Variants in KRT33A observed in about 807,000 individuals in gnomAD.
KRT33A encodes the protein keratin, type I cuticular Ha3-I.
KRT33A carries 44 observed loss-of-function variants against 41.1 expected under a neutral mutation model. That is an observed-to-expected ratio of 1.07 (90% CI 0.84 to 1.38). KRT33A has a LOEUF of 1.38. KRT33A is among the 40% of genes most tolerant of loss of function. The probability of loss-of-function intolerance (pLI) is 0.00; values close to 1 mark genes in which losing one functional copy is unlikely to be tolerated. For synonymous variants in KRT33A, 229 were observed against 227.8 expected (o/e 1.01, Z -0.05); for missense variants, 536 against 518.5 (o/e 1.03, Z -0.33).
intron 3 of KRT33A, among the ~76,000 whole-genome samples, chr17:41,347,590 A>G (rs1158937579): frequency 6.6e-6 from 1 of 152,254 alleles, no homozygotes; most frequent in Non-Finnish European, 1.5e-5. Flanking sequence ...TTAAGCATGG[A>G]TAATAAAAAG....
At chr17:41,349,522 A>T (rs568828852) in intron 1 of KRT33A, 94 bp from the exon 2 acceptor site, 84 of 1,262,640 alleles carry the variant, frequency 6.7e-5, no homozygotes, top group Non-Finnish European at 9.1e-5. Flanking sequence ...AAGGATCAGG[A>T]TGTCTATCTT....
chr17:41,346,727 G>T, intron 5 of KRT33A, 59 bp from the exon 6 acceptor site: 1 of 1,610,258 alleles, frequency 6.2e-7, no homozygotes, highest in Non-Finnish European at 8.5e-7. Flanking sequence ...TCCTCCATGG[G>T]GTTCCAAAGA....
intron 2 of KRT33A, 95 bp downstream of exon 2, chr17:41,349,251 T>A: frequency 8.4e-7 from 1 of 1,191,444 alleles, no homozygotes; most frequent in South Asian, 1.3e-5. Flanking sequence ...CATAGCTCAG[T>A]CACTGTTTGT....
At chr17:41,348,785 G>A in intron 2 of KRT33A, 146 bp from the exon 3 acceptor site, 1 of 808,322 alleles carries the variant, frequency 1.2e-6, no homozygotes. Flanking sequence ...GCATCGAGCT[G>A]GAAGAAAATG....
At position 41,348,631 on chromosome 17, in the gene KRT33A, G is replaced by A. The variant is rs2017459461; in HGVS notation, c.440C>T (p.Thr147Ile). 2.5e-6 allele frequency: 4 copies of A among 1,614,010 alleles called. No homozygotes were observed. The highest frequency in any genetic ancestry group is 2.2e-5 in the East Asian group (1 of 44,888). ...CACCAGCTGCCGCAGGGACAGCTCG[G>A]TCTCATATCTGTGATCACAGGAGGG... ...ASDDFRTKYE[T>I]ELSLRQLVES... Residue 147 changes from threonine (T) to isoleucine (I), a missense_variant, in exon 3 of 7, where the codon ACC becomes ATC. Thr to Ile is a moderately conservative substitution (Grantham distance 89). Transcript: ENST00000007735.
chr17:41,349,025 T>C (rs193113766), intron 2 of KRT33A, among the ~76,000 whole-genome samples: 3 of 152,232 alleles, frequency 2.0e-5, no homozygotes, highest in African/African-American at 7.2e-5. Flanking sequence ...CTGTAAGACT[T>C]CCAAAATAAT....
In KRT33A at chr17:41,346,622, C is replaced by A. The variant is rs371555388; in HGVS notation, c.923G>T (p.Ser308Ile). Residue 308 changes from serine to isoleucine, a missense_variant, in exon 6 of 7, where the codon AGC becomes ATC. By Grantham distance (142) the Ser-to-Ile change is moderately radical (BLOSUM62 -2). Coordinates refer to ENST00000007735, the MANE Select transcript of KRT33A (RefSeq NM_004138.4). ...NTLTESEARY[S>I]SQLSQVQRLI... ...TCTCTGCACCTGGGACAGCTGGGAG[C>A]TGTAGCGGGCCTCGCTCTCTGTCAG... The A allele has an allele frequency of 3.1e-6, 5 of 1,614,144 alleles. No individual in the cohort carries two copies. In the African/African-American group the frequency reaches 6.7e-5, roughly 22 times the overall value.
At position 41,346,818 on chromosome 17, in the gene KRT33A, C is replaced by T. The variant is rs762160903; in HGVS notation, c.876+26G>A. ...CTCTGCCTCCCAAGTTCCCATCGCT[C>T]ACCAGCAGGTCTGAACAATACACAC... On this transcript the variant is annotated intron_variant, in intron 5 of 6. Transcript: ENST00000007735. 24 of 1,611,258 alleles carry T rather than the reference C, an allele frequency of 1.5e-5. No homozygotes were observed. In the South Asian group the frequency reaches 2.2e-4, roughly 15 times the overall value.
chr17:41,350,468 A>G lies in KRT33A; in HGVS notation c.300T>C (p.Cys100=), dbSNP rs749131788. The change falls in exon 1 of 7, where the codon TGT becomes TGC. Residue 100 remains cysteine, a synonymous_variant. Coordinates refer to ENST00000007735, the MANE Select transcript of KRT33A (RefSeq NM_004138.4). ...TCTTGAAGTAGGACTGGTAGCTGGCACACACCAAGGGCTCCTGCTGCTGTG... is the reference window on the plus strand; with the variant it reads ...TCTTGAAGTAGGACTGGTAGCTGGCGCACACCAAGGGCTCCTGCTGCTGTG... ...ERSQQQEPLV[C]ASYQSYFKTI... is the part of the protein sequence containing the mutation. 6 of 1,614,010 alleles carry G rather than the reference A, an allele frequency of 3.7e-6. No homozygotes were observed. The highest frequency in any genetic ancestry group is 2.2e-5 in the East Asian group (1 of 44,864).
In KRT33A at chr17:41,347,139, G is replaced by A; in HGVS notation, c.672C>T (p.Val224=). Residue 224 remains valine, a synonymous_variant, in exon 4 of 7, where the codon GTC becomes GTT. Transcript: ENST00000007735. ...CATACTGACTCCTGGTCTCATTCAGGACCTGGTTCAGGTCCACAGTGGGAG... is the reference window on the plus strand; with the variant it reads ...CATACTGACTCCTGGTCTCATTCAGAACCTGGTTCAGGTCCACAGTGGGAG... The part of the protein sequence containing the change: ...DAAPTVDLNQ[V]LNETRSQYEA... 3 of 1,614,202 alleles carry A rather than the reference G, an allele frequency of 1.9e-6. No individual in the cohort carries two copies. In the Middle Eastern group the frequency reaches 4.9e-4, roughly 266 times the overall value.
intron 1 of KRT33A, 120 bp downstream of exon 1, chr17:41,350,300 A>G: frequency 1.6e-6 from 2 of 1,253,074 alleles, no homozygotes; most frequent in Non-Finnish European, 2.2e-6. Context: ...CAAAAAACAA[A>G]ATGGAAAGGC....
At chr17:41,349,210 G>A (rs2017468657) in intron 2 of KRT33A, 136 bp downstream of exon 2, 14 of 787,230 alleles carry the variant, frequency 1.8e-5, no homozygotes, top group Middle Eastern at 2.7e-4. Flanking sequence ...GTGTGTGGTG[G>A]CTCTGTGAAT....
intron 2 of KRT33A, among the ~76,000 whole-genome samples, 199 bp from the exon 3 acceptor site, chr17:41,348,838 A>G (rs981214206): frequency 3.3e-5 from 5 of 152,192 alleles, no homozygotes; most frequent in Non-Finnish European, 7.3e-5. Context: ...ATAGACTTCT[A>G]TATTCCTAGC....
At position 41,350,513 on chromosome 17, in the gene KRT33A, C is replaced by A; in HGVS notation, c.255G>T (p.Glu85Asp). Reference protein sequence around the residue: ...RQLERDNAELENLIRERSQQQ... With the variant: ...RQLERDNAELDNLIRERSQQQ... ...GCTGTGACCGCTCCCGGATGAGGTT[C>A]TCCAGCTCCGCGTTGTCCCGCTCCA... is the stretch of plus-strand genomic sequence containing the variant. Residue 85 changes from glutamate (E) to aspartate (D), a missense_variant, in exon 1 of 7, where the codon GAG becomes GAT. Coordinates refer to ENST00000007735, the MANE Select transcript of KRT33A (RefSeq NM_004138.4). 6.2e-7 allele frequency: 1 copy of A among 1,614,144 alleles called. No homozygotes were observed. The highest frequency in any genetic ancestry group is 8.5e-7 in the Non-Finnish European group (1 of 1,180,038).
chr17:41,349,260 G>T, intron 2 of KRT33A, 86 bp downstream of exon 2: 1 of 1,321,488 alleles, frequency 7.6e-7, no homozygotes, highest in Non-Finnish European at 1.1e-6. Flanking sequence ...GTCACTGTTT[G>T]TTTAACTTGT....
At chr17:41,350,227 A>G (rs1258261417) in intron 1 of KRT33A, among the ~76,000 whole-genome samples, 193 bp downstream of exon 1, 1 of 152,214 alleles carries the variant, frequency 6.6e-6, no homozygotes, top group Admixed American at 6.5e-5. Context: ...CTACCTCCAC[A>G]TAGACTAACA....
In KRT33A at chr17:41,350,781, A is replaced by G; in HGVS notation, c.-14T>C. 2 of 1,603,138 alleles carry G rather than the reference A, an allele frequency of 1.2e-6. No homozygotes were observed. The highest frequency in any genetic ancestry group is 1.7e-6 in the Non-Finnish European group (2 of 1,175,338). On this transcript the variant is annotated 5_prime_UTR_variant, in exon 1 of 7. Transcript: ENST00000007735. ...ACTGTAAGACATGGTGCAGGGAGGGAGTGTCCAGCTGAAGACAGAGTCCAA... is the reference window on the plus strand; with the variant it reads ...ACTGTAAGACATGGTGCAGGGAGGGGGTGTCCAGCTGAAGACAGAGTCCAA...
At chr17:41,350,313 G>T in intron 1 of KRT33A, 107 bp downstream of exon 1, 1 of 1,367,774 alleles carries the variant, frequency 7.3e-7, no homozygotes, top group Non-Finnish European at 9.9e-7. Flanking sequence ...GGAAAGGCCA[G>T]TTTTCAGCTT....
chr17:41,349,332 G>C lies in KRT33A; in HGVS notation c.431+14C>G, dbSNP rs573656949. On this transcript the variant is annotated intron_variant, in intron 2 of 6. Coordinates refer to ENST00000007735, the MANE Select transcript of KRT33A (RefSeq NM_004138.4). ...GAAGAGAAATAAACAGCAACACCCC[G>C]CTTGCCCACTCACTTGGTCCTGAAG... 1 of 1,612,944 alleles carries C rather than the reference G, an allele frequency of 6.2e-7. No homozygotes were observed. The highest frequency in any genetic ancestry group is 2.2e-5 in the East Asian group (1 of 44,868).
Sources: gnomAD v4.1 joint callset for allele counts (sites outside exome capture counted in the v4.1 genomes callset) on GRCh38, gnomAD v4.1.1 for gene constraint, MANE v1.5 for transcripts, NCBI Gene and HGNC (gene_info 2026-07-23, HGNC 2026-07-21) for gene names.